DOCK9: variants seen among roughly 807,000 people sequenced by gnomAD.
The protein encoded by DOCK9 is dedicator of cytokinesis 9.
Under a neutral mutation model 263.3 loss-of-function variants are expected in DOCK9, and 89 were observed. The observed-to-expected ratio is 0.34, with a 90% CI of 0.28 to 0.40. The LOEUF is 0.40. Ranked by LOEUF, DOCK9 falls within the 10% of genes least tolerant of loss-of-function variation. DOCK9 has a pLI of 1.00. For synonymous variants in DOCK9, 976 were observed against 973.1 expected (o/e 1.00, Z -0.06); for missense variants, 2,140 against 2,603.4 (o/e 0.82, Z 3.87).
intron 26 of DOCK9, 132 bp from the exon 27 acceptor site, chr13:98,880,101 A>ATTAT: frequency 1.5e-6 from 1 of 657,298 alleles, no homozygotes; most frequent in Non-Finnish European, 2.5e-6. Flanking sequence ...CTCTTGGCAC[A>ATTAT]TTATGATCAG....
At chr13:99,017,236 A>C (rs986159031) in intron 1 of DOCK9, among the ~76,000 whole-genome samples, 1 of 152,234 alleles carries the variant, frequency 6.6e-6, no homozygotes, top group Non-Finnish European at 1.5e-5. Flanking sequence ...TCTTCATGCG[A>C]AATCACAATG....
intron 35 of DOCK9, among the ~76,000 whole-genome samples, chr13:98,851,972 G>A (rs1330094459): frequency 6.6e-6 from 1 of 152,164 alleles, no homozygotes; most frequent in African/African-American, 2.4e-5. Flanking sequence ...AAATTGTTTT[G>A]AAGAGGTGGT....
chr13:98,932,120 C>A (rs987246196), intron 2 of DOCK9, among the ~76,000 whole-genome samples: 1 of 151,742 alleles, frequency 6.6e-6, no homozygotes, highest in Non-Finnish European at 1.5e-5. Context: ...CGACTGGGCG[C>A]GGTGACTGAC....
chr13:98,906,368 G>T (rs1292485723), intron 9 of DOCK9, among the ~76,000 whole-genome samples: 1 of 152,122 alleles, frequency 6.6e-6, no homozygotes, highest in Non-Finnish European at 1.5e-5. Context: ...TGAAGGATTT[G>T]GGAACAGAAA....
intron 37 of DOCK9, 66 bp from the exon 38 acceptor site, chr13:98,846,126 G>A: frequency 6.5e-7 from 1 of 1,528,862 alleles, no homozygotes; most frequent in Non-Finnish European, 8.8e-7. Context: ...GAGACGGGGA[G>A]TGTTAGTGAA....
chr13:98,860,507 A>G lies in DOCK9; in HGVS notation c.3595T>C (p.Ser1199Pro), dbSNP rs1294509986. 4 of 1,571,214 alleles carry G rather than the reference A, an allele frequency of 2.5e-6. No individual in the cohort carries two copies. Among genetic ancestry groups the G allele is most frequent in the Non-Finnish European group, 3.5e-6 (4 of 1,156,870 alleles). Residue 1199 changes from serine (S) to proline (P), a missense_variant, in exon 33 of 53, where the codon TCC becomes CCC. Around this residue, in one of 2 missense-constraint regions of DOCK9, gnomAD observed 1,521 missense variants for 1,741.7 expected, o/e 0.87. Coordinates refer to ENST00000682017, the MANE Select transcript of DOCK9 (RefSeq NM_001366683.2). ...GGATTCACAGCTGGTAGAGCCAGGG[A>G]TTCATCCTTCACAGTCTGTCAAGGA... ...VNAGMTVKDE[S>P]LALPAVNPLV...
At chr13:98,954,234 T>G (rs2057768072) in intron 2 of DOCK9, among the ~76,000 whole-genome samples, 1 of 151,634 alleles carries the variant, frequency 6.6e-6, no homozygotes, top group Non-Finnish European at 1.5e-5. Context: ...CAACAAAGAA[T>G]CAGTGAAGCT....
chr13:99,035,127 C>T (rs530419940), intron 1 of DOCK9, among the ~76,000 whole-genome samples: 2 of 152,290 alleles, frequency 1.3e-5, no homozygotes, highest in African/African-American at 4.8e-5. Context: ...GCTCAAGACA[C>T]GTGCTTTAAG....
chr13:99,002,852 T>C (rs1473178570), intron 1 of DOCK9, among the ~76,000 whole-genome samples: 3 of 152,212 alleles, frequency 2.0e-5, no homozygotes, highest in African/African-American at 4.8e-5. Flanking sequence ...TGCTGTGTGA[T>C]TTTAAACAGT....
chr13:98,887,143 ATTTTTTTTTTTTTTT>A (rs58434344), intron 18 of DOCK9, among the ~76,000 whole-genome samples: 7 of 95,254 alleles, frequency 7.3e-5, no homozygotes, highest in African/African-American at 2.6e-4. Flanking sequence ...ATATATATAT[ATTTTTTTTTTTTTTT>A]TTTTTTTTTG....
chr13:98,933,610 A>G (rs1324148675), intron 2 of DOCK9, among the ~76,000 whole-genome samples: 1 of 152,242 alleles, frequency 6.6e-6, no homozygotes, highest in Non-Finnish European at 1.5e-5. Context: ...ACTTCATCCA[A>G]TTAAACTAAA....
intron 9 of DOCK9, 144 bp from the exon 10 acceptor site, chr13:98,904,850 G>C: frequency 1.5e-6 from 1 of 654,992 alleles, no homozygotes; most frequent in East Asian, 2.8e-5. Context: ...GTGTGTGCCA[G>C]GGAGTGTGCA....
chr13:98,854,917 T>C (rs1275767928), intron 34 of DOCK9, among the ~76,000 whole-genome samples: 2 of 152,100 alleles, frequency 1.3e-5, no homozygotes, highest in Non-Finnish European at 2.9e-5. Context: ...TCCGGGTGTT[T>C]TTGGAGAACT....
intron 1 of DOCK9, among the ~76,000 whole-genome samples, chr13:98,999,316 A>ACACACACACACACACCCTCTCT: frequency 7.2e-6 from 1 of 138,292 alleles, no homozygotes; most frequent in African/African-American, 2.8e-5. Flanking sequence ...ACACACACAC[A>ACACACACACACACACCCTCTCT]CTCTCTCTCT....
At chr13:99,053,714 T>C (rs2040802693) in intron 1 of DOCK9, among the ~76,000 whole-genome samples, 1 of 152,082 alleles carries the variant, frequency 6.6e-6, no homozygotes. Context: ...TGAGGATCAG[T>C]TACTGTAACC....
At chr13:98,856,083 A>G in intron 33 of DOCK9, 52 bp from the exon 34 acceptor site, 1 of 1,591,798 alleles carries the variant, frequency 6.3e-7, no homozygotes, top group South Asian at 1.1e-5. Context: ...GAACAAAATA[A>G]AGATGAGTAC....
intron 27 of DOCK9, among the ~76,000 whole-genome samples, chr13:98,873,583 C>T (rs1291156754): frequency 1.3e-5 from 2 of 152,212 alleles, no homozygotes; most frequent in Non-Finnish European, 2.9e-5. Context: ...TGTGGCAGTG[C>T]AACTTCTGGG....
At chr13:98,806,047 C>T (rs555996607) in intron 48 of DOCK9, among the ~76,000 whole-genome samples, 1 of 152,234 alleles carries the variant, frequency 6.6e-6, no homozygotes, top group Admixed American at 6.5e-5. Context: ...ATTGAATGAC[C>T]TCCAGTCTGG....
chr13:98,970,537 G>A (rs1163271537), intron 1 of DOCK9, among the ~76,000 whole-genome samples: 2 of 152,076 alleles, frequency 1.3e-5, no homozygotes, highest in African/African-American at 2.4e-5. Context: ...CCTTTCCCTT[G>A]GCAGTGACAA....
Sources: gnomAD v4.1 joint callset for allele counts (sites outside exome capture counted in the v4.1 genomes callset) on GRCh38, gnomAD v4.1.1 for gene constraint, gnomAD v4.1.1 regional missense constraint, MANE v1.5 for transcripts, NCBI Gene and HGNC (gene_info 2026-07-23, HGNC 2026-07-21) for gene names.